NLGN4Y: variants seen among roughly 807,000 people sequenced by gnomAD.
The protein encoded by NLGN4Y is neuroligin-4, Y-linked.
NLGN4Y carries 4 observed loss-of-function variants against 8.4 expected under a neutral mutation model. The ratio of observed to expected loss-of-function variants is 0.48; its 90% CI spans 0.23 to 1.09. The LOEUF is 1.09. NLGN4Y is among the 50% of genes least tolerant of loss of function. NLGN4Y has a pLI of 0.19. For synonymous variants in NLGN4Y, 35 were observed against 75.6 expected (o/e 0.46, Z 2.78); for missense variants, 90 against 192.3 (o/e 0.47, Z 3.15).
chrY:14,574,928 T>G, intron 1 of NLGN4Y, among the ~76,000 whole-genome samples: 1 of 33,661 alleles, frequency 3.0e-5, no homozygotes, highest in African/African-American at 1.2e-4. Context: ...CCCACTCTCT[T>G]CTGGCTTGTA....
chrY:14,537,944 A>G (rs2080138396), intron 1 of NLGN4Y, among the ~76,000 whole-genome samples: 1 of 33,314 alleles, frequency 3.0e-5, no homozygotes, highest in Non-Finnish European at 7.4e-5. Flanking sequence ...AGAAAAAAAT[A>G]TAGAAAAATG....
intron 1 of NLGN4Y, among the ~76,000 whole-genome samples, chrY:14,556,533 G>T: frequency 3.0e-5 from 1 of 32,856 alleles, no homozygotes. Flanking sequence ...AGACTTAGGA[G>T]GCTAAAATCA....
chrY:14,762,153 C>G (rs2081081505), intron 4 of NLGN4Y, among the ~76,000 whole-genome samples: 1 of 33,072 alleles, frequency 3.0e-5, no homozygotes, highest in Admixed American at 2.8e-4. Context: ...AAGACCCTGT[C>G]TCCAAAAATA....
chrY:14,552,513 G>A, intron 1 of NLGN4Y, among the ~76,000 whole-genome samples: 2 of 33,667 alleles, frequency 5.9e-5, no homozygotes. Context: ...ATGAACATTG[G>A]TGTGAAATTT....
intron 6 of NLGN4Y, among the ~76,000 whole-genome samples, chrY:14,831,639 T>C (rs1012429724): frequency 6.6e-5 from 2 of 30,248 alleles, no homozygotes; most frequent in Admixed American, 6.4e-4. Flanking sequence ...ATACAATATA[T>C]AATATAGAAA....
At chrY:14,648,589 G>A in intron 2 of NLGN4Y, among the ~76,000 whole-genome samples, 1 of 32,533 alleles carries the variant, frequency 3.1e-5, no homozygotes, top group Non-Finnish European at 7.5e-5. Context: ...GTGTTTCAGA[G>A]ATTTTCATGT....
chrY:14,586,719 A>C, intron 1 of NLGN4Y, among the ~76,000 whole-genome samples: 4 of 32,479 alleles, frequency 1.2e-4, no homozygotes, highest in African/African-American at 4.9e-4. Context: ...TCACAGCTAC[A>C]CAGAAGGCTG....
At chrY:14,604,563 T>G in intron 1 of NLGN4Y, among the ~76,000 whole-genome samples, 1 of 33,772 alleles carries the variant, frequency 3.0e-5, no homozygotes, top group Non-Finnish European at 7.4e-5. Flanking sequence ...CCCTTGGGTA[T>G]AGTTTTGGTT....
At chrY:14,740,006 C>G in intron 4 of NLGN4Y, among the ~76,000 whole-genome samples, 1 of 31,928 alleles carries the variant, frequency 3.1e-5, no homozygotes, top group Non-Finnish European at 7.6e-5. Flanking sequence ...AGAGGAGAGT[C>G]TAGCCCATTC....
At chrY:14,798,943 G>A in intron 4 of NLGN4Y, among the ~76,000 whole-genome samples, 2 of 33,864 alleles carry the variant, frequency 5.9e-5, no homozygotes, top group South Asian at 6.5e-4. Context: ...TGCAAGGAAG[G>A]CTTCTTATTT....
rs1379207019 is a variant in NLGN4Y, at chrY:14,829,854, G to C, written c.996G>C (p.Thr332=). The change falls in exon 6 of 7, where the codon ACG becomes ACC. Residue 332 remains threonine (T), a synonymous_variant. Coordinates refer to ENST00000684976, the MANE Select transcript of NLGN4Y (RefSeq NM_001365588.1). ...DKVGCNMLDT[T]DMVECLKNKN... Reference sequence around the variant, plus strand: ...TCGGCTGCAACATGCTGGACACCACGGACATGGTAGAATGTCTGAAGAACA... The same window carrying C: ...TCGGCTGCAACATGCTGGACACCACCGACATGGTAGAATGTCTGAAGAACA... The C allele has an allele frequency of 2.5e-6, 1 of 398,732 alleles. No individual in the cohort carries two copies. The highest frequency in any genetic ancestry group is 3.0e-5 in the South Asian group (1 of 33,741).
intron 2 of NLGN4Y, among the ~76,000 whole-genome samples, chrY:14,634,737 T>C: frequency 2.9e-5 from 1 of 34,366 alleles, no homozygotes; most frequent in South Asian, 6.3e-4. Context: ...AAAGTACCCA[T>C]AATTTATTCA....
chrY:14,595,187 T>C (rs1003139687), intron 1 of NLGN4Y, among the ~76,000 whole-genome samples: 5 of 32,818 alleles, frequency 1.5e-4, no homozygotes, highest in Non-Finnish European at 3.7e-4. Flanking sequence ...GAAGGGGACA[T>C]ATACCCGGGT....
intron 1 of NLGN4Y, among the ~76,000 whole-genome samples, chrY:14,561,601 G>A: frequency 1.2e-4 from 4 of 32,967 alleles, no homozygotes; most frequent in Admixed American, 5.6e-4. Flanking sequence ...TGGGATTTCT[G>A]GGTCAAATGG....
intron 1 of NLGN4Y, among the ~76,000 whole-genome samples, chrY:14,554,901 G>A (rs2080206417): frequency 3.0e-5 from 1 of 32,883 alleles, no homozygotes; most frequent in African/African-American, 1.2e-4. Flanking sequence ...ATAATACATG[G>A]CACATTCCCA....
At chrY:14,648,316 G>A in intron 2 of NLGN4Y, among the ~76,000 whole-genome samples, 1 of 33,067 alleles carries the variant, frequency 3.0e-5, no homozygotes, top group East Asian at 8.0e-4. Flanking sequence ...CTTGAGGCAG[G>A]AAAATTGCTT....
intron 1 of NLGN4Y, among the ~76,000 whole-genome samples, chrY:14,570,014 A>T: frequency 2.9e-5 from 1 of 33,943 alleles, no homozygotes; most frequent in African/African-American, 1.1e-4. Flanking sequence ...AGGAAACTGC[A>T]CAGCCAGTAG....
At position 14,844,206 on chromosome Y, in the gene NLGN4Y, C is replaced by T; in HGVS notation, c.*2944C>T. On this transcript the variant is annotated 3_prime_UTR_variant, in exon 7 of 7. Transcript: ENST00000684976. The stretch of plus-strand genomic sequence containing the variant: ...TGGTGAAGCTCCTGAGATGACACTG[C>T]CTGAAAATGAGTATTTGGTTGTGTT... The T allele has an allele frequency of 1.2e-5, 1 of 80,699 alleles. No individual in the cohort carries two copies. The highest frequency in any genetic ancestry group is 2.6e-5 in the Non-Finnish European group (1 of 38,267). 20.1% of individuals were successfully genotyped at this position (80,699 alleles called of 400,897 possible).
At chrY:14,781,759 A>G in intron 4 of NLGN4Y, among the ~76,000 whole-genome samples, 1 of 33,732 alleles carries the variant, frequency 3.0e-5, no homozygotes, top group Non-Finnish European at 7.3e-5. Context: ...CTGAGGGCCC[A>G]CATGGTTTTC....
Sources: gnomAD v4.1 joint callset for allele counts (sites outside exome capture counted in the v4.1 genomes callset) on GRCh38, gnomAD v4.1.1 for gene constraint, MANE v1.5 for transcripts, NCBI Gene and HGNC (gene_info 2026-07-23, HGNC 2026-07-21) for gene names.